ANO3: variants seen among roughly 807,000 people sequenced by gnomAD.
ANO3 encodes anoctamin-3.
A neutral mutation model predicts 144.8 loss-of-function variants in ANO3; 99 were observed. The ratio of observed to expected loss-of-function variants is 0.68; its 90% CI spans 0.58 to 0.81. The LOEUF (loss-of-function observed/expected upper bound fraction) is 0.81, where lower values mean the gene tolerates loss of function less well. Among genes scored for constraint, ANO3 ranks in the 30% least tolerant of loss-of-function variants. The probability of loss-of-function intolerance (pLI) is 0.00; values close to 1 mark genes in which losing one functional copy is unlikely to be tolerated. For synonymous variants in ANO3, 414 were observed against 392.6 expected, an observed-to-expected ratio of 1.05 and a Z score of -0.64; for missense variants, 905 against 1,202.2, an observed-to-expected ratio of 0.75 and a Z score of 3.66.
chr11:26,335,462 C>A (rs1205687255), intron 1 of ANO3, among the ~76,000 whole-genome samples: 2 of 152,050 alleles, frequency 1.3e-5, no homozygotes, highest in Non-Finnish European at 2.9e-5. Context: ...AAACAGTGGA[C>A]TCCAGACCAT....
At chr11:26,209,163 A>G (rs1851879243) in intron 1 of ANO3, among the ~76,000 whole-genome samples, 1 of 152,090 alleles carries the variant, frequency 6.6e-6, no homozygotes, top group Non-Finnish European at 1.5e-5. Flanking sequence ...ACCCCTTGAC[A>G]GGCCCCAGTG....
chr11:26,532,365 C>A (rs1849395881), intron 8 of ANO3, among the ~76,000 whole-genome samples: 1 of 152,058 alleles, frequency 6.6e-6, no homozygotes, highest in Admixed American at 6.5e-5. Flanking sequence ...TTTTCAGGAC[C>A]TTTAAGGATC....
upstream of ANO3, among the ~76,000 whole-genome samples, chr11:26,327,896 A>G (rs1027141830): frequency 1.3e-5 from 2 of 152,190 alleles, no homozygotes; most frequent in African/African-American, 4.8e-5. Flanking sequence ...ATAATTATTC[A>G]GATTTTCAGC....
chr11:26,211,118 C>G (rs967559174), intron 1 of ANO3, among the ~76,000 whole-genome samples: 1 of 152,030 alleles, frequency 6.6e-6, no homozygotes, highest in African/African-American at 2.4e-5. Context: ...TAAAACACTC[C>G]TCAGCAAATG....
chr11:26,627,174 CA>C (rs1315977331), intron 18 of ANO3, among the ~76,000 whole-genome samples: 1 of 151,748 alleles, frequency 6.6e-6, no homozygotes, highest in Non-Finnish European at 1.5e-5. Flanking sequence ...ATTGGAGAAA[CA>C]ATGTTTTGAA....
At chr11:26,603,702 T>TA (rs1165405438) in intron 17 of ANO3, among the ~76,000 whole-genome samples, 1 of 152,098 alleles carries the variant, frequency 6.6e-6, no homozygotes, top group Non-Finnish European at 1.5e-5. Flanking sequence ...TTTAAGAAAT[T>TA]ACAATCAAAT....
chr11:26,192,252 T>C (rs1851492450), intron 1 of ANO3, among the ~76,000 whole-genome samples: 1 of 152,226 alleles, frequency 6.6e-6, no homozygotes, highest in African/African-American at 2.4e-5. Flanking sequence ...ATTTTTACCT[T>C]ATTTTTAATA....
intron 1 of ANO3, among the ~76,000 whole-genome samples, chr11:26,226,831 C>A (rs550115999): frequency 6.6e-6 from 1 of 152,196 alleles, no homozygotes; most frequent in South Asian, 2.1e-4. Flanking sequence ...GTATACAGAT[C>A]AGTGGCACTG....
At chr11:26,447,294 C>A (rs900108801) in intron 3 of ANO3, among the ~76,000 whole-genome samples, 1 of 150,642 alleles carries the variant, frequency 6.6e-6, no homozygotes, top group African/African-American at 2.4e-5. Context: ...TACTGGACTC[C>A]TTATTATTAT....
intron 3 of ANO3, among the ~76,000 whole-genome samples, chr11:26,461,484 C>T (rs1361809551): frequency 6.6e-6 from 1 of 152,030 alleles, no homozygotes; most frequent in Non-Finnish European, 1.5e-5. Flanking sequence ...TTCTCAAATT[C>T]ACTGACCACA....
intron 3 of ANO3, among the ~76,000 whole-genome samples, chr11:26,461,029 C>G (rs1859374583): frequency 6.6e-6 from 1 of 151,982 alleles, no homozygotes; most frequent in Non-Finnish European, 1.5e-5. Flanking sequence ...TTTAACCAAA[C>G]CAGGATTTCT....
intron 14 of ANO3, among the ~76,000 whole-genome samples, chr11:26,595,457 G>GTTTTTTTTTTTTTT (rs1411703035): frequency 3.1e-4 from 21 of 67,852 alleles, no homozygotes; most frequent in East Asian, 8.4e-4. Flanking sequence ...TTGAGATAGA[G>GTTTTTTTTTTTTTT]TTGTTTTTTT....
chr11:26,533,776 A>G (rs1849433020), intron 8 of ANO3, among the ~76,000 whole-genome samples: 1 of 152,056 alleles, frequency 6.6e-6, no homozygotes, highest in East Asian at 1.9e-4. Flanking sequence ...AGATGAAGCA[A>G]CTATCCTAGA....
In ANO3 at chr11:26,624,161, T is replaced by C. The variant is rs80283589; in HGVS notation, c.1837-301T>C. 0.019 allele frequency among the ~76,000 whole-genome samples: 2,937 copies of C among 152,322 alleles called. 228 individuals are homozygous for C. The East Asian group carries it at 0.28, about 14-fold the overall frequency. On this transcript the variant is annotated intron_variant, in intron 17 of 26. Coordinates refer to ENST00000256737, the MANE Select transcript of ANO3 (RefSeq NM_031418.4). ...AATGACTTTTAGGGACTTTTTCTCA[T>C]TTCTTGATTTACAAAATGAAAATGA...
chr11:26,567,198 G>A, intron 14 of ANO3: 1 of 1,120,722 alleles, frequency 8.9e-7, no homozygotes, highest in Non-Finnish European at 1.2e-6. Context: ...TCTCATTAGA[G>A]GCTAAAATTT....
At chr11:26,309,836 A>C in intron 1 of ANO3, 10 of 268,080 alleles carry the variant, frequency 3.7e-5, no homozygotes, top group Non-Finnish European at 5.7e-5. Context: ...ATTTAGTCTC[A>C]TGTTAATAAT....
chr11:26,230,670 A>G (rs1349230046), intron 1 of ANO3, among the ~76,000 whole-genome samples: 1 of 150,752 alleles, frequency 6.6e-6, no homozygotes, highest in African/African-American at 2.4e-5. Context: ...GGCGGCTCAC[A>G]CCTGTGATCC....
intron 1 of ANO3, among the ~76,000 whole-genome samples, chr11:26,299,744 T>A (rs1196931386): frequency 6.6e-6 from 1 of 152,044 alleles, no homozygotes; most frequent in Non-Finnish European, 1.5e-5. Flanking sequence ...TGTCCTGAAG[T>A]AGGAGTGAGG....
At chr11:26,404,791 G>T (rs1228005646) in intron 1 of ANO3, among the ~76,000 whole-genome samples, 1 of 151,474 alleles carries the variant, frequency 6.6e-6, no homozygotes, top group African/African-American at 2.4e-5. Context: ...TACAGAAAAG[G>T]CTTCATAAAA....
Sources: gnomAD v4.1 joint callset for allele counts (sites outside exome capture counted in the v4.1 genomes callset) on GRCh38, gnomAD v4.1.1 for gene constraint, MANE v1.5 for transcripts, NCBI Gene and HGNC (gene_info 2026-07-23, HGNC 2026-07-21) for gene names.